The following GPM6A variants were observed in gnomAD, a reference collection of about 807,000 sequenced individuals.
GPM6A encodes neuronal membrane glycoprotein M6-a.
GPM6A carries 7 observed loss-of-function variants against 32.1 expected under a neutral mutation model. That is an observed-to-expected ratio of 0.22 (90% CI 0.12 to 0.41). The LOEUF (loss-of-function observed/expected upper bound fraction) is 0.41, where lower values mean the gene tolerates loss of function less well. GPM6A is among the 10% of genes least tolerant of loss of function. GPM6A has a pLI of 1.00. For missense variants in GPM6A, 235 were observed against 347.2 expected, an observed-to-expected ratio of 0.68 and a Z score of 2.57; for synonymous variants, 130 against 123.4, an observed-to-expected ratio of 1.05 and a Z score of -0.35.
At chr4:175,978,743 T>C (rs552453217) in intron 1 of GPM6A, among the ~76,000 whole-genome samples, 4 of 152,348 alleles carry the variant, frequency 2.6e-5, no homozygotes, top group African/African-American at 9.6e-5. Context: ...AATACCAATA[T>C]CTGAGTTTTA....
intron 1 of GPM6A, among the ~76,000 whole-genome samples, chr4:175,930,360 A>C (rs1738988054): frequency 6.6e-6 from 1 of 151,204 alleles, no homozygotes; most frequent in Admixed American, 6.6e-5. Context: ...CCAGAGCAAC[A>C]ACGAAAAGCA....
At chr4:175,790,785 A>T (rs1251002491) in intron 1 of GPM6A, among the ~76,000 whole-genome samples, 4 of 152,236 alleles carry the variant, frequency 2.6e-5, no homozygotes, top group Non-Finnish European at 5.9e-5. Context: ...ACTTTGCAAC[A>T]TGATGAAATT....
chr4:175,721,167 T>TATATATATATATA (rs1247155865), intron 1 of GPM6A, among the ~76,000 whole-genome samples: 2 of 81,290 alleles, frequency 2.5e-5, no homozygotes, highest in Non-Finnish European at 7.5e-5. Flanking sequence ...ATATATATAT[T>TATATATATATATA]TTCTATTTTT....
At chr4:175,708,273 G>T (rs1458562481) in intron 1 of GPM6A, among the ~76,000 whole-genome samples, 1 of 152,174 alleles carries the variant, frequency 6.6e-6, no homozygotes, top group African/African-American at 2.4e-5. Context: ...CTGATAAAGA[G>T]ACCAGGGAAG....
intron 2 of GPM6A, among the ~76,000 whole-genome samples, chr4:175,678,662 A>T (rs1031898969): frequency 6.6e-6 from 1 of 152,146 alleles, no homozygotes; most frequent in African/African-American, 2.4e-5. Context: ...GTCAAAGGCA[A>T]TGAGGCAGAT....
intron 1 of GPM6A, among the ~76,000 whole-genome samples, chr4:175,862,183 G>A (rs1447854010): frequency 6.6e-6 from 1 of 152,166 alleles, no homozygotes; most frequent in Non-Finnish European, 1.5e-5. Context: ...CATACATAGA[G>A]AAAAGTGTGC....
intron 2 of GPM6A, among the ~76,000 whole-genome samples, chr4:175,679,724 T>C (rs1007513938): frequency 2.0e-5 from 3 of 152,196 alleles, no homozygotes; most frequent in Non-Finnish European, 4.4e-5. Flanking sequence ...CACGGACTAA[T>C]GGTATCTGAT....
intron 1 of GPM6A, among the ~76,000 whole-genome samples, chr4:175,785,177 A>G (rs1733752412): frequency 6.6e-6 from 1 of 152,146 alleles, no homozygotes; most frequent in South Asian, 2.1e-4. Flanking sequence ...ATGTCCCCTG[A>G]CCAAGTCCAA....
In GPM6A at chr4:175,701,178, G is replaced by C. The variant is rs76959150; in HGVS notation, c.230+397C>G. Among the ~76,000 whole-genome samples, 26 of 152,236 alleles carry C rather than the reference G, an allele frequency of 1.7e-4. No homozygotes were observed. The East Asian group carries it at 5.0e-3, about 29-fold the overall frequency. On this transcript the variant is annotated intron_variant, in intron 2 of 6. Transcript: ENST00000393658. ...CAGGGCTGAGTTTATTTCTTTTAAA[G>C]GTGGGAGCACCCATGGAGCTTTGCT... is the stretch of plus-strand genomic sequence containing the variant.
intron 3 of GPM6A, among the ~76,000 whole-genome samples, chr4:175,673,410 G>GA (rs371525673): frequency 3.4e-4 from 49 of 144,304 alleles, no homozygotes; most frequent in Middle Eastern, 3.6e-3. Context: ...GAGCCCTTTG[G>GA]AAAAAAAAAA....
At chr4:175,804,858 A>T (rs1040250590) in intron 1 of GPM6A, among the ~76,000 whole-genome samples, 19 of 152,116 alleles carry the variant, frequency 1.2e-4, no homozygotes, top group Non-Finnish European at 2.4e-4. Flanking sequence ...ATCCTGGCTA[A>T]CACAGTGAAA....
chr4:175,645,321 G>C (rs2333250), intron 4 of GPM6A, among the ~76,000 whole-genome samples: 1 of 151,974 alleles, frequency 6.6e-6, no homozygotes, highest in Admixed American at 6.6e-5. Flanking sequence ...AAAATGATGC[G>C]TAATGTGTGT....
At chr4:175,902,831 A>G (rs1738010058) in intron 1 of GPM6A, among the ~76,000 whole-genome samples, 1 of 152,030 alleles carries the variant, frequency 6.6e-6, no homozygotes, top group Non-Finnish European at 1.5e-5. Context: ...TCTGCGCCCT[A>G]GTTTTCCGTG....
intron 1 of GPM6A, among the ~76,000 whole-genome samples, chr4:175,825,842 C>A (rs1735416616): frequency 6.6e-6 from 1 of 152,062 alleles, no homozygotes; most frequent in Non-Finnish European, 1.5e-5. Flanking sequence ...TCAAGTTGAA[C>A]ATTTTCAAGT....
intron 1 of GPM6A, among the ~76,000 whole-genome samples, chr4:175,957,120 T>C (rs1740012374): frequency 6.6e-6 from 1 of 152,204 alleles, no homozygotes; most frequent in Non-Finnish European, 1.5e-5. Context: ...ACCTTGGAAA[T>C]GTTCAGACTG....
In GPM6A at chr4:175,850,169, A is replaced by G. The variant is rs946655572; in HGVS notation, c.-22-37920T>C. ...TTCATTCTTTCCAAATTCCTGAGAG[A>G]TATCAGGAGAAAAACATGATTCTAA... On this transcript the variant is annotated intron_variant, in intron 1 of 7. Transcript: ENST00000280187. 4.6e-5 allele frequency among the ~76,000 whole-genome samples: 7 copies of G among 152,306 alleles called. No homozygotes were observed. The East Asian group carries it at 1.3e-3, about 29-fold the overall frequency.
intron 1 of GPM6A, among the ~76,000 whole-genome samples, chr4:175,986,313 T>G (rs1210351613): frequency 6.6e-6 from 1 of 152,124 alleles, no homozygotes; most frequent in African/African-American, 2.4e-5. Context: ...GATGAGAGAA[T>G]TGCTTGAGGC....
At chr4:175,807,798 G>C (rs1734753791) in intron 1 of GPM6A, among the ~76,000 whole-genome samples, 1 of 152,218 alleles carries the variant, frequency 6.6e-6, no homozygotes, top group Non-Finnish European at 1.5e-5. Context: ...GTGGCTGCCA[G>C]GCAGGCAGCT....
intron 1 of GPM6A, among the ~76,000 whole-genome samples, chr4:175,785,971 C>T (rs1004022919): frequency 5.9e-5 from 9 of 151,994 alleles, no homozygotes; most frequent in Non-Finnish European, 1.2e-4. Context: ...TAATAGAGTG[C>T]CATAAACACT....
Sources: allele counts gnomAD v4.1 joint callset (sites outside exome capture counted in the v4.1 genomes callset), GRCh38; gene constraint gnomAD v4.1.1; transcripts MANE v1.5; gene names NCBI Gene and HGNC (gene_info 2026-07-23, HGNC 2026-07-21).